Variants in SLAMF6 observed in about 807,000 individuals in gnomAD.
SLAMF6 encodes SLAM family member 6.
In SLAMF6, 21 loss-of-function variants were observed where a neutral mutation model predicts 38.3. That is an observed-to-expected ratio of 0.55 (90% CI 0.39 to 0.79). The LOEUF (loss-of-function observed/expected upper bound fraction) is 0.79, where lower values mean the gene tolerates loss of function less well. SLAMF6 is among the 30% of genes least tolerant of loss of function. The probability of loss-of-function intolerance (pLI) is 0.00; values close to 1 mark genes in which losing one functional copy is unlikely to be tolerated. For synonymous variants in SLAMF6, 152 were observed against 146.3 expected (o/e 1.04, Z -0.28); for missense variants, 341 against 385.3 (o/e 0.89, Z 0.96).
chr1:160,492,512 C>G (rs1653357775), intron 2 of SLAMF6, among the ~76,000 whole-genome samples: 1 of 152,064 alleles, frequency 6.6e-6, no homozygotes, highest in Admixed American at 6.6e-5. Flanking sequence ...ATAAATGAGA[C>G]AGTGCCTAGT....
chr1:160,489,081 G>A lies in SLAMF6; in HGVS notation c.879+7C>T. On this transcript the variant is annotated splice_region_variant and intron_variant, in intron 6 of 7. Coordinates refer to ENST00000368057, the MANE Select transcript of SLAMF6 (RefSeq NM_001184714.2). ...CAACAATGGCATATAAAGCTGAAAA[G>A]ACTCACCCTGTTTGAATGAGTGACT... is the stretch of plus-strand genomic sequence containing the variant. 1 of 1,608,278 alleles carries A rather than the reference G, an allele frequency of 6.2e-7. No individual in the cohort carries two copies. The highest frequency in any genetic ancestry group is 8.5e-7 in the Non-Finnish European group (1 of 1,174,820).
At chr1:160,510,514 GA>G (rs887332429) in intron 1 of SLAMF6, among the ~76,000 whole-genome samples, 1 of 151,930 alleles carries the variant, frequency 6.6e-6, no homozygotes, top group East Asian at 1.9e-4. Context: ...AGTTGATGCA[GA>G]AAAAACATTT....
chr1:160,490,662 T>C lies in SLAMF6; in HGVS notation c.670A>G (p.Thr224Ala). Residue 224 changes from threonine to alanine, a missense_variant, in exon 4 of 8, where the codon ACC becomes GCC. Coordinates refer to ENST00000368057, the MANE Select transcript of SLAMF6 (RefSeq NM_001184714.2). Reference sequence around the variant, plus strand: ...GAAACCATAAACAGAATCATTTTGGTATCTGTATATTGAATTTTAACATCT... The same window carrying C: ...GAAACCATAAACAGAATCATTTTGGCATCTGTATATTGAATTTTAACATCT... ...CEDVKIQYTDTKMILFMVSGI... is the reference protein window; with the variant it reads ...CEDVKIQYTDAKMILFMVSGI... 1 of 1,613,712 alleles carries C rather than the reference T, an allele frequency of 6.2e-7. No homozygotes were observed. Among genetic ancestry groups the C allele is most frequent in the African/African-American group, 1.3e-5 (1 of 75,018 alleles).
intron 1 of SLAMF6, among the ~76,000 whole-genome samples, chr1:160,509,267 A>G (rs542358648): frequency 3.1e-4 from 47 of 152,358 alleles, no homozygotes; most frequent in Non-Finnish European, 5.4e-4. Flanking sequence ...ATGTCCAACA[A>G]TGATAGACTG....
intron 1 of SLAMF6, among the ~76,000 whole-genome samples, chr1:160,520,857 C>A (rs1203860516): frequency 1.3e-5 from 2 of 152,178 alleles, no homozygotes; most frequent in Admixed American, 1.3e-4. Context: ...TCTTTCCCTT[C>A]CTAAATCACT....
intron 1 of SLAMF6, among the ~76,000 whole-genome samples, chr1:160,516,420 C>G (rs1250334941): frequency 6.6e-6 from 1 of 152,120 alleles, no homozygotes; most frequent in Non-Finnish European, 1.5e-5. Context: ...TGAAAATGAC[C>G]ATACTGCCCG....
chr1:160,490,524 T>G (rs1653228057), intron 4 of SLAMF6, 51 bp downstream of exon 4: 1 of 1,593,938 alleles, frequency 6.3e-7, no homozygotes, highest in Non-Finnish European at 8.5e-7. Flanking sequence ...CCCCAAACTC[T>G]CAATCACTGG....
chr1:160,511,770 G>A (rs765295671), intron 1 of SLAMF6, among the ~76,000 whole-genome samples: 2 of 152,104 alleles, frequency 1.3e-5, no homozygotes, highest in Non-Finnish European at 2.9e-5. Context: ...TGAGAAGAAC[G>A]AAAACAGTGA....
At chr1:160,514,396 CA>C (rs1461475740) in intron 1 of SLAMF6, among the ~76,000 whole-genome samples, 1 of 152,166 alleles carries the variant, frequency 6.6e-6, no homozygotes, top group Non-Finnish European at 1.5e-5. Flanking sequence ...GACTCCCACA[CA>C]ATAATAGCGG....
Position 160,494,502 on chromosome 1 carries a change from C to T in SLAMF6, c.382+1559G>A, listed in dbSNP as rs74124826. On this transcript the variant is annotated intron_variant, in intron 2 of 7. Transcript: ENST00000368057. ...AATGACCTCAGAAAAGATCTGTCTG[C>T]GCCCTAATTCCCAGAATCTGAATAT... Among the ~76,000 whole-genome samples the T allele has an allele frequency of 9.2e-3, 1,396 of 152,170 alleles. 22 individuals carry two copies. Among genetic ancestry groups the T allele is most frequent in the African/African-American group, 0.031 (1,307 of 41,530 alleles).
At position 160,486,428 on chromosome 1, in the gene SLAMF6, A is replaced by G; in HGVS notation, c.*279T>C. 2.7e-6 allele frequency: 1 copy of G among 377,284 alleles called. No homozygotes were observed. The highest frequency in any genetic ancestry group is 4.9e-6 in the Non-Finnish European group (1 of 204,216). 23.4% of individuals were successfully genotyped at this position (377,284 alleles called of 1,614,324 possible). Reference sequence around the variant, plus strand: ...CCATAATTCCATTTGCTTAGTTATCAAAGAGAGAGTCAATGTGCTGGTGTG... The same window carrying G: ...CCATAATTCCATTTGCTTAGTTATCGAAGAGAGAGTCAATGTGCTGGTGTG... On this transcript the variant is annotated 3_prime_UTR_variant, in exon 8 of 8. Transcript: ENST00000368057.
At chr1:160,499,667 G>T (rs540527196) in intron 1 of SLAMF6, among the ~76,000 whole-genome samples, 15 of 152,258 alleles carry the variant, frequency 9.9e-5, no homozygotes, top group African/African-American at 2.9e-4. Context: ...CCATTTTAAC[G>T]ATGTTGATTC....
At chr1:160,512,528 G>T (rs1001711649) in intron 1 of SLAMF6, among the ~76,000 whole-genome samples, 1 of 152,190 alleles carries the variant, frequency 6.6e-6, no homozygotes, top group African/African-American at 2.4e-5. Flanking sequence ...TCATTAAGTG[G>T]GTCCCTTATC....
At chr1:160,490,017 A>G (rs1653195268) in intron 5 of SLAMF6, among the ~76,000 whole-genome samples, 181 bp downstream of exon 5, 1 of 152,058 alleles carries the variant, frequency 6.6e-6, no homozygotes. Flanking sequence ...TCACATGCCT[A>G]TGCCTGTGAA....
chr1:160,489,566 G>A (rs1043752325), intron 5 of SLAMF6, among the ~76,000 whole-genome samples: 4 of 152,254 alleles, frequency 2.6e-5, no homozygotes, highest in South Asian at 4.2e-4. Flanking sequence ...TCTCTACAGC[G>A]GATTTGATTA....
chr1:160,505,003 C>T (rs968742047), intron 1 of SLAMF6, among the ~76,000 whole-genome samples: 2 of 152,086 alleles, frequency 1.3e-5, no homozygotes, highest in Non-Finnish European at 2.9e-5. Flanking sequence ...CAAAACAGAG[C>T]CAATCTGCAA....
rs114485206 is a variant in SLAMF6, at chr1:160,507,474, C to T, written c.50-11081G>A. Among the ~76,000 whole-genome samples the T allele has an allele frequency of 8.5e-3, 1,294 of 152,082 alleles. 25 individuals are homozygous for T. Among genetic ancestry groups the T allele is most frequent in the African/African-American group, 0.03 (1,245 of 41,514 alleles). On this transcript the variant is annotated intron_variant, in intron 1 of 7. Transcript: ENST00000368057. The stretch of plus-strand genomic sequence containing the variant: ...TCAATACCTCACTTGCAATAATGGT[C>T]AAAACAACTAGAGAGAAGATCAATA...
intron 1 of SLAMF6, among the ~76,000 whole-genome samples, chr1:160,511,016 A>C (rs1267861419): frequency 6.6e-6 from 1 of 152,198 alleles, no homozygotes; most frequent in Non-Finnish European, 1.5e-5. Flanking sequence ...ATACCTGGCA[A>C]TAATTTAACC....
intron 1 of SLAMF6, among the ~76,000 whole-genome samples, chr1:160,513,872 A>G (rs1182985150): frequency 6.6e-6 from 1 of 152,218 alleles, no homozygotes; most frequent in Non-Finnish European, 1.5e-5. Context: ...AGCACTAAAT[A>G]TGGAAAGGAA....
Sources: gnomAD v4.1 joint callset for allele counts (sites outside exome capture counted in the v4.1 genomes callset) on GRCh38, gnomAD v4.1.1 for gene constraint, MANE v1.5 for transcripts, NCBI Gene and HGNC (gene_info 2026-07-23, HGNC 2026-07-21) for gene names.